BAZ2B: variants seen among roughly 807,000 people sequenced by gnomAD.
BAZ2B encodes bromodomain adjacent to zinc finger domain protein 2B.
In BAZ2B, 91 loss-of-function variants were observed where a neutral mutation model predicts 246.0. The observed-to-expected ratio is 0.37, with a 90% CI of 0.31 to 0.44. BAZ2B has a LOEUF of 0.44. BAZ2B is among the 20% of genes least tolerant of loss of function. BAZ2B has a pLI of 1.00. For synonymous variants in BAZ2B, 855 were observed against 860.0 expected, an observed-to-expected ratio of 0.99 and a Z score of 0.10; for missense variants, 2,332 against 2,533.7, an observed-to-expected ratio of 0.92 and a Z score of 1.71.
intron 13 of BAZ2B, among the ~76,000 whole-genome samples, chr2:159,426,603 C>A (rs1212557949): frequency 6.6e-6 from 1 of 151,904 alleles, no homozygotes; most frequent in African/African-American, 2.4e-5. Context: ...TCAGATAAAC[C>A]CATTTTGACA....
the BAZ2B span, among the ~76,000 whole-genome samples, chr2:159,679,518 AG>A: frequency 6.6e-6 from 1 of 152,150 alleles, no homozygotes; most frequent in African/African-American, 2.4e-5. Flanking sequence ...ATGGCCAACT[AG>A]GTTCTCTTCT....
the BAZ2B span, among the ~76,000 whole-genome samples, chr2:159,659,130 A>G: frequency 1.3e-5 from 2 of 152,120 alleles, no homozygotes; most frequent in Non-Finnish European, 2.9e-5. Context: ...GAATTTGTAT[A>G]ATTTCTTCCG....
intron 3 of BAZ2B, among the ~76,000 whole-genome samples, chr2:159,478,219 G>A (rs753427833): frequency 2.9e-4 from 44 of 152,148 alleles, no homozygotes; most frequent in Non-Finnish European, 5.6e-4. Context: ...AGCTTACAAG[G>A]TCATTTCAAA....
chr2:159,421,265 C>T (rs1472660461), intron 13 of BAZ2B, among the ~76,000 whole-genome samples: 4 of 151,720 alleles, frequency 2.6e-5, no homozygotes, highest in Non-Finnish European at 4.4e-5. Flanking sequence ...GTCTCAAACT[C>T]GTGGGCTAAA....
intron 1 of BAZ2B, among the ~76,000 whole-genome samples, chr2:159,606,801 GACTA>G (rs1307532251): frequency 4.6e-5 from 7 of 152,056 alleles, no homozygotes; most frequent in South Asian, 2.1e-4. Context: ...GTTAGGAAAA[GACTA>G]ACTACTAAAA....
chr2:159,343,424 G>C (rs534599686), intron 31 of BAZ2B, among the ~76,000 whole-genome samples: 2 of 152,198 alleles, frequency 1.3e-5, no homozygotes, highest in South Asian at 4.1e-4. Flanking sequence ...AAAAACTTCT[G>C]TACAGCAAAA....
intron 1 of BAZ2B, among the ~76,000 whole-genome samples, chr2:159,576,426 GAAAT>G (rs979117977): frequency 1.7e-4 from 26 of 149,744 alleles, no homozygotes; most frequent in African/African-American, 5.9e-4. Flanking sequence ...AAATAAGAAA[GAAAT>G]AAAGCTGACC....
At position 159,567,146 on chromosome 2, in the gene BAZ2B, C is replaced by T. The variant is rs182816574; in HGVS notation, c.-45-11281G>A. ...TAGTCCCAGCTACTCAGGAGGCTGACGCAGGAGAATCGCTTGAACCCGGGA... is the reference window on the plus strand; with the variant it reads ...TAGTCCCAGCTACTCAGGAGGCTGATGCAGGAGAATCGCTTGAACCCGGGA... On this transcript the variant is annotated intron_variant, in intron 1 of 36. Transcript: ENST00000392783. Among the ~76,000 whole-genome samples the T allele has an allele frequency of 2.1e-3, 325 of 151,796 alleles. 5 individuals carry two copies. Among genetic ancestry groups the T allele is most frequent in the Middle Eastern group, 0.01 (3 of 292 alleles).
chr2:159,454,135 C>T (rs1437426175), intron 3 of BAZ2B, among the ~76,000 whole-genome samples: 1 of 151,828 alleles, frequency 6.6e-6, no homozygotes, highest in East Asian at 1.9e-4. Context: ...AATATATTTT[C>T]AATATATTTT....
At chr2:159,535,745 T>C (rs983795872) in intron 2 of BAZ2B, among the ~76,000 whole-genome samples, 5 of 152,182 alleles carry the variant, frequency 3.3e-5, no homozygotes, top group Non-Finnish European at 7.3e-5. Flanking sequence ...AAGACATTAA[T>C]ATTCTCTCTT....
chr2:159,689,289 C>A, the BAZ2B span: 3 of 458,128 alleles, frequency 6.5e-6, no homozygotes, highest in South Asian at 6.0e-5. Context: ...TCCCCAGTGG[C>A]TTTTCCAGTA....
chr2:159,428,930 C>T (rs2070534112), intron 11 of BAZ2B, among the ~76,000 whole-genome samples: 1 of 152,098 alleles, frequency 6.6e-6, no homozygotes, highest in Non-Finnish European at 1.5e-5. Context: ...TGCCCTTTGC[C>T]ATCTGATTTG....
At chr2:159,564,598 A>C (rs1168056050) in intron 1 of BAZ2B, among the ~76,000 whole-genome samples, 2 of 152,198 alleles carry the variant, frequency 1.3e-5, no homozygotes, top group African/African-American at 4.8e-5. Context: ...TGACTAAACA[A>C]GAAAAAAAAC....
chr2:159,659,157 G>A, the BAZ2B span, among the ~76,000 whole-genome samples: 1 of 152,074 alleles, frequency 6.6e-6, no homozygotes, highest in South Asian at 2.1e-4. Context: ...TTTCTGTTCC[G>A]TTTCTTTATT....
intron 1 of BAZ2B, among the ~76,000 whole-genome samples, chr2:159,556,080 T>A (rs2089080199): frequency 6.6e-6 from 1 of 152,192 alleles, no homozygotes; most frequent in African/African-American, 2.4e-5. Context: ...GTATGGCAGA[T>A]CATGTTTTTG....
At chr2:159,529,265 T>C (rs1254577921) in intron 2 of BAZ2B, among the ~76,000 whole-genome samples, 2 of 152,000 alleles carry the variant, frequency 1.3e-5, no homozygotes, top group Admixed American at 6.6e-5. Context: ...TGGGTACCAC[T>C]GGTTTGGCAA....
intron 27 of BAZ2B, among the ~76,000 whole-genome samples, chr2:159,363,236 C>T (rs1208000665): frequency 6.6e-6 from 1 of 152,142 alleles, no homozygotes; most frequent in African/African-American, 2.4e-5. Flanking sequence ...ATGGGTAATA[C>T]GTATTACCAT....
Position 159,324,834 on chromosome 2 carries a change from A to G in BAZ2B, c.6330T>C (p.Ile2110=). The change falls in exon 36 of 37, where the codon ATT becomes ATC. Residue 2110 remains isoleucine, a synonymous_variant. Coordinates refer to ENST00000392783, the MANE Select transcript of BAZ2B (RefSeq NM_013450.4). ...ACTGTCCACTACTTAGTTTCTCTCT[A>G]ATTGTGGAAAAATCCATAGGCTTCT... ...VIKKPMDFST[I]REKLSSGQYP... 6.6e-7 allele frequency: 1 copy of G among 1,507,346 alleles called. No individual in the cohort carries two copies. The highest frequency in any genetic ancestry group is 8.8e-7 in the Non-Finnish European group (1 of 1,135,058). The allele number at this position is 1,507,346 out of a possible 1,614,324, so 93.4% of individuals were successfully genotyped here.
At chr2:159,340,734 C>G (rs1278424120) in intron 31 of BAZ2B, among the ~76,000 whole-genome samples, 1 of 151,926 alleles carries the variant, frequency 6.6e-6, no homozygotes, top group African/African-American at 2.4e-5. Flanking sequence ...TTCATCACCA[C>G]TAGGCTAAAC....
Sources: gnomAD v4.1 joint callset for allele counts (sites outside exome capture counted in the v4.1 genomes callset) on GRCh38, gnomAD v4.1.1 for gene constraint, MANE v1.5 for transcripts, NCBI Gene and HGNC (gene_info 2026-07-23, HGNC 2026-07-21) for gene names.